Variants in RNASEH2B observed in about 807,000 individuals in gnomAD.
RNASEH2B encodes Aicardi-Goutieres syndrome 2 protein.
RNASEH2B carries 36 observed loss-of-function variants against 45.0 expected under a neutral mutation model. That is an observed-to-expected ratio of 0.80 (90% CI 0.61 to 1.06). The LOEUF (loss-of-function observed/expected upper bound fraction) is 1.06, where lower values mean the gene tolerates loss of function less well. RNASEH2B is among the 50% of genes least tolerant of loss of function. The probability of loss-of-function intolerance (pLI) is 0.00; values close to 1 mark genes in which losing one functional copy is unlikely to be tolerated. For synonymous variants in RNASEH2B, 119 were observed against 125.7 expected (o/e 0.95, Z 0.35); for missense variants, 361 against 360.3 (o/e 1.00, Z -0.02).
At chr13:50,933,947 C>T (rs1394777195) in intron 4 of RNASEH2B, 2 of 152,056 alleles carry the variant, frequency 1.3e-5, no homozygotes, top group African/African-American at 4.8e-5. Context: ...CAAGCTATCA[C>T]GTGTTCTTAA....
At chr13:50,965,530 C>T (rs888742086) in intron 9 of RNASEH2B, among the ~76,000 whole-genome samples, 1 of 152,328 alleles carries the variant, frequency 6.6e-6, no homozygotes, top group East Asian at 1.9e-4. Context: ...TCCATCAATC[C>T]ATCCTGGACA....
intron 1 of RNASEH2B, among the ~76,000 whole-genome samples, chr13:50,913,789 C>T (rs577559174): frequency 6.6e-6 from 1 of 152,292 alleles, no homozygotes; most frequent in African/African-American, 2.4e-5. Context: ...ATAAGAATCC[C>T]TGTCTACCTT....
rs955534495 is a variant in RNASEH2B at position 50,954,321 on chromosome 13, A to G, written c.822+336A>G. On this transcript the variant is annotated intron_variant, in intron 10 of 10. Coordinates refer to ENST00000336617, the MANE Select transcript of RNASEH2B (RefSeq NM_024570.4). The stretch of plus-strand genomic sequence containing the variant: ...CTGCTGCCCAGAAGCAGAAATTATG[A>G]TGATAAAAATTAATAATTTCACCAT... The G allele has an allele frequency of 1.6e-5, 8 of 494,880 alleles. No homozygotes were observed. The South Asian group carries it at 2.8e-4, about 17-fold the overall frequency. 30.7% of individuals were successfully genotyped at this position (494,880 alleles called of 1,614,324 possible).
rs1951888592 is a variant in RNASEH2B at position 50,945,458 on chromosome 13, A to G, written c.542A>G (p.Asn181Ser). 2 of 1,613,728 alleles carry G rather than the reference A, an allele frequency of 1.2e-6. No homozygotes were observed. The highest frequency in any genetic ancestry group is 1.3e-5 in the African/African-American group (1 of 75,048). ...CAAACTGTGGCAGCATTAAAAACCAATAATGTGAATGTCAGTTCCCGGGTA... is the reference window on the plus strand; with the variant it reads ...CAAACTGTGGCAGCATTAAAAACCAGTAATGTGAATGTCAGTTCCCGGGTA... ...VNQTVAALKT[N>S]NVNVSSRVQS... The change falls in exon 7 of 11, where the codon AAT becomes AGT. Residue 181 changes from asparagine (N) to serine (S), a missense_variant. Transcript: ENST00000336617.
At chr13:50,966,106 C>T (rs1214991549) in intron 9 of RNASEH2B, among the ~76,000 whole-genome samples, 4 of 152,134 alleles carry the variant, frequency 2.6e-5, no homozygotes, top group Admixed American at 6.6e-5. Flanking sequence ...ATTACACATA[C>T]CAGGTGCCAT....
intron 9 of RNASEH2B, chr13:50,953,141 A>T (rs1287796788): frequency 1.3e-5 from 2 of 152,160 alleles, no homozygotes; most frequent in African/African-American, 2.4e-5. Flanking sequence ...CAACAGCAAG[A>T]CTTGTCTTCC....
At chr13:50,956,235 A>G in intron 10 of RNASEH2B, 123 bp from the exon 11 acceptor site, 1 of 761,072 alleles carries the variant, frequency 1.3e-6, no homozygotes, top group Non-Finnish European at 2.2e-6. Flanking sequence ...CTTATGAAGC[A>G]TGTTAGTGGG....
intron 9 of RNASEH2B, chr13:50,951,846 T>C (rs1951979893): frequency 6.6e-6 from 1 of 152,234 alleles, no homozygotes; most frequent in Non-Finnish European, 1.5e-5. Context: ...ACAATCATTT[T>C]CTTTTTTTAA....
chr13:50,944,423 A>C (rs1951873288), intron 6 of RNASEH2B, among the ~76,000 whole-genome samples: 1 of 151,596 alleles, frequency 6.6e-6, no homozygotes, highest in African/African-American at 2.4e-5. Context: ...GAACACAGGG[A>C]GGGGAACATC....
chr13:50,929,940 G>A (rs1951655327), intron 3 of RNASEH2B, among the ~76,000 whole-genome samples: 1 of 152,112 alleles, frequency 6.6e-6, no homozygotes, highest in African/African-American at 2.4e-5. Flanking sequence ...CCTTGAAACT[G>A]GATACTGATA....
intron 2 of RNASEH2B, among the ~76,000 whole-genome samples, chr13:50,929,225 G>A (rs562177155): frequency 6.4e-4 from 97 of 152,284 alleles, no homozygotes; most frequent in African/African-American, 2.2e-3. Flanking sequence ...CTTTGTATTA[G>A]TTAAGATAAA....
chr13:50,935,056 C>CCTTGCCACACTGTAAGCAGT, intron 5 of RNASEH2B, 57 bp downstream of exon 5: 1 of 1,113,198 alleles, frequency 9.0e-7, no homozygotes, highest in Non-Finnish European at 1.4e-6. Context: ...TGCCTAAGAA[C>CCTTGCCACACTGTAAGCAGT]GTGGCTGCTT....
intron 4 of RNASEH2B, among the ~76,000 whole-genome samples, chr13:50,932,060 A>C (rs1249335670): frequency 6.6e-6 from 1 of 152,176 alleles, no homozygotes; most frequent in Non-Finnish European, 1.5e-5. Context: ...TGGCAGATAG[A>C]AATTTTCTAC....
intron 9 of RNASEH2B, chr13:50,951,877 G>A (rs1261515603): frequency 6.6e-6 from 1 of 152,056 alleles, no homozygotes; most frequent in Non-Finnish European, 1.5e-5. Flanking sequence ...CTGGTATCTT[G>A]TTTTGTTGTG....
intron 1 of RNASEH2B, among the ~76,000 whole-genome samples, chr13:50,920,877 G>C (rs1951515410): frequency 6.6e-6 from 1 of 152,058 alleles, no homozygotes; most frequent in Admixed American, 6.5e-5. Context: ...ACTTTACATT[G>C]CCTTGATTTT....
chr13:50,939,638 A>AT (rs991487177), intron 5 of RNASEH2B, among the ~76,000 whole-genome samples: 13 of 150,950 alleles, frequency 8.6e-5, no homozygotes, highest in South Asian at 4.2e-4. Context: ...TGGTCAATTG[A>AT]TTTTTTTTTT....
rs116601835 is a variant in RNASEH2B, at chr13:50,922,472, A to G, written c.65-4935A>G. ...GCCCAACTGTTGAAGGTATGCCTTA[A>G]CACACACACACAGGACCCTTCAGCA... On this transcript the variant is annotated intron_variant, in intron 1 of 10. Coordinates refer to ENST00000336617, the MANE Select transcript of RNASEH2B (RefSeq NM_024570.4). Among the ~76,000 whole-genome samples the G allele has an allele frequency of 1.9e-3, 288 of 152,020 alleles. 1 individual carries two copies. The highest frequency in any genetic ancestry group is 6.4e-3 in the African/African-American group (266 of 41,512).
chr13:50,912,861 A>G (rs1879504001), intron 1 of RNASEH2B: 1 of 152,270 alleles, frequency 6.6e-6, no homozygotes, highest in South Asian at 2.1e-4. Context: ...AGACAAGGGT[A>G]AAGATGCCTA....
At chr13:50,918,223 C>T (rs1379758448) in intron 1 of RNASEH2B, among the ~76,000 whole-genome samples, 4 of 152,056 alleles carry the variant, frequency 2.6e-5, no homozygotes, top group Non-Finnish European at 5.9e-5. Context: ...CTGCAAGCTC[C>T]GCCTCCCAGG....
Sources: allele counts gnomAD v4.1 joint callset (sites outside exome capture counted in the v4.1 genomes callset), GRCh38; gene constraint gnomAD v4.1.1; transcripts MANE v1.5; gene names NCBI Gene and HGNC (gene_info 2026-07-23, HGNC 2026-07-21).